Variants in ARB2A observed in about 807,000 individuals in gnomAD.
ARB2A encodes the protein cotranscriptional regulator ARB2A.
chr5:93,701,297 G>A, the ARB2A span, among the ~76,000 whole-genome samples: 2 of 152,104 alleles, frequency 1.3e-5, no homozygotes, highest in East Asian at 3.9e-4. Flanking sequence ...CAGTCACTAT[G>A]TTTTAGCAGA....
chr5:93,683,513 C>A, the ARB2A span: 2 of 1,561,684 alleles, frequency 1.3e-6, no homozygotes, highest in Non-Finnish European at 1.7e-6. Context: ...AATTGGACTG[C>A]CTTCGTAATT....
At chr5:93,836,902 A>G in the ARB2A span, among the ~76,000 whole-genome samples, 1 of 152,222 alleles carries the variant, frequency 6.6e-6, no homozygotes, top group Non-Finnish European at 1.5e-5. Flanking sequence ...AAAAAAGTCT[A>G]TAAGCTGGAG....
chr5:93,806,280 T>C, the ARB2A span, among the ~76,000 whole-genome samples: 1 of 152,086 alleles, frequency 6.6e-6, no homozygotes, highest in African/African-American at 2.4e-5. Flanking sequence ...TTTTCATTGG[T>C]ATTTTCATAA....
the ARB2A span, among the ~76,000 whole-genome samples, chr5:93,843,099 T>C: frequency 3.3e-5 from 5 of 152,248 alleles, no homozygotes; most frequent in Admixed American, 3.3e-4. Flanking sequence ...TCTAAAGATA[T>C]AGATGGGTGG....
At chr5:93,650,241 T>C in the ARB2A span, among the ~76,000 whole-genome samples, 1 of 151,550 alleles carries the variant, frequency 6.6e-6, no homozygotes, top group African/African-American at 2.4e-5. Flanking sequence ...TTAAATAAAC[T>C]ATTCTATACA....
chr5:94,109,668 C>A, the ARB2A span, among the ~76,000 whole-genome samples: 1 of 152,166 alleles, frequency 6.6e-6, no homozygotes, highest in South Asian at 2.1e-4. Context: ...ATGCCTACAT[C>A]CTTGCTATTC....
chr5:93,938,947 A>G, the ARB2A span, among the ~76,000 whole-genome samples: 1 of 152,190 alleles, frequency 6.6e-6, no homozygotes, highest in Non-Finnish European at 1.5e-5. Context: ...ATGAAAAGAC[A>G]ATTTCTTACT....
the ARB2A span, among the ~76,000 whole-genome samples, chr5:93,716,539 AATTG>A: frequency 3.9e-5 from 6 of 152,096 alleles, no homozygotes; most frequent in African/African-American, 7.2e-5. Flanking sequence ...TTGTTATTTT[AATTG>A]ATTAAGTCAT....
the ARB2A span, among the ~76,000 whole-genome samples, chr5:93,896,901 T>C: frequency 6.6e-6 from 1 of 152,006 alleles, no homozygotes; most frequent in Non-Finnish European, 1.5e-5. Context: ...ACATTTTCCT[T>C]AGAAAGTATA....
chr5:93,637,681 C>A, the ARB2A span, among the ~76,000 whole-genome samples: 1 of 151,992 alleles, frequency 6.6e-6, no homozygotes, highest in Non-Finnish European at 1.5e-5. Context: ...ATATTTTATT[C>A]TTCTTTTTAA....
chr5:93,729,360 G>A, the ARB2A span, among the ~76,000 whole-genome samples: 2 of 152,044 alleles, frequency 1.3e-5, no homozygotes, highest in African/African-American at 2.4e-5. Flanking sequence ...CTTAACAGGT[G>A]CTAATTAGAT....
At chr5:93,996,287 C>CA in the ARB2A span, among the ~76,000 whole-genome samples, 1 of 151,926 alleles carries the variant, frequency 6.6e-6, no homozygotes, top group African/African-American at 2.4e-5. Flanking sequence ...TCTGTCCTTA[C>CA]AAAAAATAAA....
chr5:93,991,372 T>C, the ARB2A span, among the ~76,000 whole-genome samples: 1 of 152,028 alleles, frequency 6.6e-6, no homozygotes, highest in African/African-American at 2.4e-5. Flanking sequence ...CAACATAATA[T>C]TTACAATGAC....
At chr5:93,906,401 T>G in the ARB2A span, among the ~76,000 whole-genome samples, 6 of 151,602 alleles carry the variant, frequency 4.0e-5, no homozygotes, top group South Asian at 8.3e-4. Flanking sequence ...TTACTATTTA[T>G]GACATCTTGG....
the ARB2A span, among the ~76,000 whole-genome samples, chr5:93,767,776 C>T: frequency 6.6e-6 from 1 of 151,560 alleles, no homozygotes; most frequent in East Asian, 1.9e-4. Context: ...GGGTGGATCA[C>T]GAGGTCAGGA....
At chr5:93,686,025 C>T in the ARB2A span, among the ~76,000 whole-genome samples, 5 of 152,150 alleles carry the variant, frequency 3.3e-5, no homozygotes, top group Non-Finnish European at 7.4e-5. Context: ...ATGTGTTAGG[C>T]ATCAGCTAAG....
the ARB2A span, among the ~76,000 whole-genome samples, chr5:94,099,144 T>C: frequency 3.3e-5 from 5 of 152,176 alleles, no homozygotes; most frequent in Non-Finnish European, 5.9e-5. Flanking sequence ...CAGCATCACC[T>C]TGATCTAAAA....
chr5:93,773,383 G>C, the ARB2A span, among the ~76,000 whole-genome samples: 1 of 152,208 alleles, frequency 6.6e-6, no homozygotes, highest in South Asian at 2.1e-4. Flanking sequence ...CTACACAATG[G>C]GTAATAAGTA....
chr5:94,084,000 C>T, the ARB2A span, among the ~76,000 whole-genome samples: 1 of 152,118 alleles, frequency 6.6e-6, no homozygotes, highest in South Asian at 2.1e-4. Context: ...TGGCCAGGCA[C>T]AGTGGCTCAC....
Sources: gnomAD v4.1 joint callset for allele counts (sites outside exome capture counted in the v4.1 genomes callset) on GRCh38, gnomAD v4.1.1 for gene constraint, MANE v1.5 for transcripts, NCBI Gene and HGNC (gene_info 2026-07-23, HGNC 2026-07-21) for gene names.